The following PTPRD variants were observed in gnomAD, a reference collection of about 807,000 sequenced individuals.
PTPRD encodes receptor-type tyrosine-protein phosphatase delta.
PTPRD carries 34 observed loss-of-function variants against 214.5 expected under a neutral mutation model. The observed-to-expected ratio is 0.16, with a 90% CI of 0.12 to 0.21. The LOEUF is 0.21. PTPRD is among the 10% of genes least tolerant of loss of function. The pLI is 1.00. For missense variants in PTPRD, 2,545 were observed against 2,398.7 expected (o/e 1.06, Z -1.27); for synonymous variants, 1,128 against 845.7 (o/e 1.33, Z -5.79).
intron 3 of PTPRD, among the ~76,000 whole-genome samples, chr9:10,158,675 T>C (rs2099108833): frequency 6.6e-6 from 1 of 152,126 alleles, no homozygotes; most frequent in Admixed American, 6.5e-5. Context: ...GAACCAAATA[T>C]TCATATCCAC....
At position 8,528,796 on chromosome 9, in the gene PTPRD, G is replaced by A. The variant is rs777637620; in HGVS notation, c.353-17C>T. 6.2e-7 allele frequency: 1 copy of A among 1,611,036 alleles called. No homozygotes were observed. Among genetic ancestry groups the A allele is most frequent in the Non-Finnish European group, 8.5e-7 (1 of 1,177,950 alleles). The stretch of plus-strand genomic sequence containing the variant: ...TTTGATCTTCTGCAAGACAAAAGGT[G>A]ATAGAAACATTCAGTTAATAAGTCA... On this transcript the variant is annotated splice_polypyrimidine_tract_variant and intron_variant, in intron 14 of 45. Coordinates refer to ENST00000381196, the MANE Select transcript of PTPRD (RefSeq NM_002839.4).
intron 11 of PTPRD, among the ~76,000 whole-genome samples, chr9:8,939,422 T>C (rs2099017654): frequency 6.6e-6 from 1 of 152,214 alleles, no homozygotes. Flanking sequence ...TTTTGAAAGA[T>C]ACAAAGTTCT....
At chr9:9,219,678 C>A (rs185071393) in intron 9 of PTPRD, among the ~76,000 whole-genome samples, 2 of 152,278 alleles carry the variant, frequency 1.3e-5, no homozygotes, top group East Asian at 3.9e-4. Flanking sequence ...AAACTTGATT[C>A]TCTGGTGGAA....
intron 9 of PTPRD, among the ~76,000 whole-genome samples, chr9:9,390,028 C>T (rs1458766728): frequency 2.0e-5 from 3 of 152,098 alleles, no homozygotes; most frequent in Non-Finnish European, 2.9e-5. Context: ...AAAAGCATTG[C>T]GGTAGGGTGA....
intron 11 of PTPRD, among the ~76,000 whole-genome samples, chr9:8,755,242 C>A (rs796919434): frequency 0.011 from 1,455 of 135,998 alleles, 30 homozygotes; most frequent in African/African-American, 0.043. Flanking sequence ...ACAAAAAAAA[C>A]AAACAGGCCA....
chr9:9,038,845 C>G (rs185318001), intron 10 of PTPRD, among the ~76,000 whole-genome samples: 2 of 152,172 alleles, frequency 1.3e-5, no homozygotes, highest in African/African-American at 4.8e-5. Flanking sequence ...GCGTGAGCCA[C>G]CCCGCCCAGC....
At chr9:9,902,194 T>G (rs900862040) in intron 5 of PTPRD, among the ~76,000 whole-genome samples, 4 of 151,406 alleles carry the variant, frequency 2.6e-5, no homozygotes, top group African/African-American at 9.8e-5. Flanking sequence ...TGTGTGTACG[T>G]GCATCAGCGC....
chr9:8,403,329 C>T (rs2092637428), intron 36 of PTPRD, among the ~76,000 whole-genome samples: 1 of 152,120 alleles, frequency 6.6e-6, no homozygotes. Flanking sequence ...TATTTGTTTT[C>T]TAAAATATCT....
intron 14 of PTPRD, among the ~76,000 whole-genome samples, chr9:8,581,733 C>T (rs931780289): frequency 2.0e-5 from 3 of 147,512 alleles, no homozygotes; most frequent in Middle Eastern, 3.6e-3. Flanking sequence ...GACGACAGAG[C>T]GAGACTCCAT....
At chr9:9,439,648 T>A (rs1432925409) in intron 8 of PTPRD, among the ~76,000 whole-genome samples, 1 of 152,166 alleles carries the variant, frequency 6.6e-6, no homozygotes, top group Non-Finnish European at 1.5e-5. Flanking sequence ...TCAGATCCCT[T>A]ACTTTGGTGT....
At chr9:9,243,544 T>A (rs2099971463) in intron 9 of PTPRD, among the ~76,000 whole-genome samples, 1 of 152,128 alleles carries the variant, frequency 6.6e-6, no homozygotes, top group African/African-American at 2.4e-5. Context: ...AAAAACCACA[T>A]GATTATCTCA....
chr9:9,749,350 C>G (rs12236514), intron 6 of PTPRD, among the ~76,000 whole-genome samples: 6,574 of 152,154 alleles, frequency 0.043, 725 homozygotes, highest in East Asian at 0.4. Flanking sequence ...GCCTTTATAA[C>G]CACGTTTTCC....
chr9:8,513,611 A>G (rs1029227974), intron 21 of PTPRD, among the ~76,000 whole-genome samples: 5 of 152,088 alleles, frequency 3.3e-5, no homozygotes, highest in Admixed American at 1.3e-4. Flanking sequence ...GTTAGAGGAG[A>G]AAAATTGCAG....
chr9:10,399,618 A>G (rs534842525), intron 2 of PTPRD, among the ~76,000 whole-genome samples: 2 of 151,932 alleles, frequency 1.3e-5, no homozygotes, highest in African/African-American at 2.4e-5. Flanking sequence ...TATGAGGGGC[A>G]TAAGAGGACA....
At chr9:10,334,380 G>A (rs978238457) in intron 3 of PTPRD, among the ~76,000 whole-genome samples, 2 of 151,528 alleles carry the variant, frequency 1.3e-5, no homozygotes, top group African/African-American at 4.8e-5. Context: ...CAGTAAACGA[G>A]GAATAGAAGG....
chr9:8,481,483 C>A (rs1591620012), intron 30 of PTPRD, among the ~76,000 whole-genome samples: 2 of 152,064 alleles, frequency 1.3e-5, no homozygotes, highest in East Asian at 1.9e-4. Flanking sequence ...TTTTTTAATA[C>A]CTGATTTTCT....
chr9:9,307,243 C>G (rs1176289878), intron 9 of PTPRD, among the ~76,000 whole-genome samples: 1 of 152,152 alleles, frequency 6.6e-6, no homozygotes, highest in African/African-American at 2.4e-5. Context: ...CTTGTAAGAT[C>G]AAACATTTCC....
intron 12 of PTPRD, among the ~76,000 whole-genome samples, chr9:8,647,413 T>G (rs1332507741): frequency 2.0e-5 from 3 of 152,222 alleles, no homozygotes; most frequent in Admixed American, 2.0e-4. Flanking sequence ...AGAAAGAGGT[T>G]ATATCGTACC....
chr9:9,618,385 A>G (rs1593188176), intron 7 of PTPRD, among the ~76,000 whole-genome samples: 2 of 146,524 alleles, frequency 1.4e-5, no homozygotes, highest in African/African-American at 5.5e-5. Context: ...CCTATGGATT[A>G]AGAAAAAAAA....
Sources: allele counts gnomAD v4.1 joint callset (sites outside exome capture counted in the v4.1 genomes callset), GRCh38; gene constraint gnomAD v4.1.1; transcripts MANE v1.5; gene names NCBI Gene and HGNC (gene_info 2026-07-23, HGNC 2026-07-21).